THOC6: variants seen among roughly 807,000 people sequenced by gnomAD.
The protein encoded by THOC6 is THO complex subunit 6.
Under a neutral mutation model 55.8 loss-of-function variants are expected in THOC6, and 39 were observed. The observed-to-expected ratio is 0.70, with a 90% CI of 0.54 to 0.91. The LOEUF (loss-of-function observed/expected upper bound fraction) is 0.91. Ranked by LOEUF, THOC6 falls within the 40% of genes least tolerant of loss-of-function variation. The pLI, the probability that THOC6 is intolerant of heterozygous loss-of-function variation, is 0.00. For missense variants in THOC6, 482 were observed against 442.0 expected, an observed-to-expected ratio of 1.09 and a Z score of -0.81; for synonymous variants, 192 against 175.6, an observed-to-expected ratio of 1.09 and a Z score of -0.74.
rs751493752 is a variant in THOC6 at position 3,025,704 on chromosome 16, G to A, written c.40-4G>A. 3.7e-6 allele frequency: 6 copies of A among 1,613,354 alleles called. No individual in the cohort carries two copies. In the African/African-American group the frequency reaches 4.0e-5, roughly 11 times the overall value. ...GGCAGGCCTCATCCAGTCTTTCCCT[G>A]CAGACAGAGGTGTTCCAGGCCTTGC... On this transcript the variant is annotated splice_region_variant and splice_polypyrimidine_tract_variant and intron_variant, in intron 1 of 12. Transcript: ENST00000326266.
At chr16:3,027,130 C>T in intron 10 of THOC6, 40 bp from the exon 11 acceptor site, 1 of 1,614,118 alleles carries the variant, frequency 6.2e-7, no homozygotes, top group Non-Finnish European at 8.5e-7. Context: ...CAGCTGTGGG[C>T]CTGTGGTTCA....
rs368634542 is a variant in THOC6, at chr16:3,026,176, C to T, written c.324+10C>T. Reference sequence around the variant, plus strand: ...GGAGATGCTCAAGAAGGTAAGGAGTCGAGCTTGGGAAAGGGCTGGGGTGCC... The same window carrying T: ...GGAGATGCTCAAGAAGGTAAGGAGTTGAGCTTGGGAAAGGGCTGGGGTGCC... On this transcript the variant is annotated intron_variant, in intron 4 of 12. Transcript: ENST00000326266. The T allele has an allele frequency of 1.8e-4, 283 of 1,611,198 alleles. No homozygotes were observed. Among genetic ancestry groups the T allele is most frequent in the Non-Finnish European group, 2.2e-4 (265 of 1,178,164 alleles).
intron 1 of THOC6, among the ~76,000 whole-genome samples, chr16:3,025,377 G>A (rs1401652735): frequency 6.6e-6 from 1 of 152,226 alleles, no homozygotes; most frequent in African/African-American, 2.4e-5. Flanking sequence ...ACAGCCCCAT[G>A]TAAAGCTCTT....
rs201552352 is a variant in THOC6 at position 3,026,930 on chromosome 16, C to T, written c.636+14C>T. 79 of 1,614,174 alleles carry T rather than the reference C, an allele frequency of 4.9e-5. No individual in the cohort carries two copies. Among genetic ancestry groups the T allele is most frequent in the Non-Finnish European group, 6.4e-5 (75 of 1,180,020 alleles). ...TATAAGCACGAGGTGAGGGTGTGAC[C>T]GTGGCCATTGTCCTCTTCTCCCCCA... On this transcript the variant is annotated intron_variant, in intron 9 of 12. Coordinates refer to ENST00000326266, the MANE Select transcript of THOC6 (RefSeq NM_024339.5).
chr16:3,024,037 A>G lies in THOC6; in HGVS notation c.-290A>G. 1.2e-5 allele frequency: 12 copies of G among 1,022,830 alleles called. No homozygotes were observed. Among genetic ancestry groups the G allele is most frequent in the Non-Finnish European group, 1.7e-5 (12 of 713,974 alleles). The allele number at this position is 1,022,830 out of a possible 1,614,324, so 63.4% of individuals were successfully genotyped here. ...GATGGGCGTGGCTTTAGGCGGGCACAGCCGCGAGGTTCTGCGCGGGCGCGG... is the reference window on the plus strand; with the variant it reads ...GATGGGCGTGGCTTTAGGCGGGCACGGCCGCGAGGTTCTGCGCGGGCGCGG... On this transcript the variant is annotated 5_prime_UTR_variant, in exon 1 of 13. Transcript: ENST00000326266.
At chr16:3,025,272 TCTCA>T (rs1191636830) in intron 1 of THOC6, among the ~76,000 whole-genome samples, 2 of 152,018 alleles carry the variant, frequency 1.3e-5, no homozygotes, top group African/African-American at 4.8e-5. Flanking sequence ...TGAGACAGAG[TCTCA>T]CTATGTTGCC....
chr16:3,024,642 T>TG (rs1768221297), intron 1 of THOC6, among the ~76,000 whole-genome samples: 4 of 149,364 alleles, frequency 2.7e-5, no homozygotes, highest in Non-Finnish European at 6.0e-5. Flanking sequence ...AAGCACTTTT[T>TG]TTTTTTTTTT....
chr16:3,026,792 G>A lies in THOC6; in HGVS notation c.586+11G>A, dbSNP rs769317786. The A allele has an allele frequency of 5.9e-5, 96 of 1,613,850 alleles. No individual in the cohort carries two copies. The highest frequency in any genetic ancestry group is 2.3e-4 in the Admixed American group (14 of 59,980). Reference sequence around the variant, plus strand: ...CTGTTCGACTTTGGGGTAAGCAGGTGGCTGGTTGGAGGGCAAGATGGCAGT... The same window carrying A: ...CTGTTCGACTTTGGGGTAAGCAGGTAGCTGGTTGGAGGGCAAGATGGCAGT... On this transcript the variant is annotated intron_variant, in intron 8 of 12. Coordinates refer to ENST00000326266, the MANE Select transcript of THOC6 (RefSeq NM_024339.5).
At position 3,027,288 on chromosome 16, in the gene THOC6, C is replaced by T. The variant is rs1567417434; in HGVS notation, c.810+8C>T. On this transcript the variant is annotated splice_region_variant and intron_variant, in intron 11 of 12. Coordinates refer to ENST00000326266, the MANE Select transcript of THOC6 (RefSeq NM_024339.5). ...ACCTTCTACCAGGACCTGGTGAGGCCCTGTGTCTCACTTCTGCCACCCCCA... is the reference window on the plus strand; with the variant it reads ...ACCTTCTACCAGGACCTGGTGAGGCTCTGTGTCTCACTTCTGCCACCCCCA... 3.1e-6 allele frequency: 5 copies of T among 1,614,198 alleles called. No homozygotes were observed. The highest frequency in any genetic ancestry group is 3.3e-5 in the Admixed American group (2 of 60,032).
chr16:3,027,293 G>T lies in THOC6; in HGVS notation c.810+13G>T, dbSNP rs2072822222. ...CTACCAGGACCTGGTGAGGCCCTGT[G>T]TCTCACTTCTGCCACCCCCACTGAC... On this transcript the variant is annotated intron_variant, in intron 11 of 12. Transcript: ENST00000326266. The T allele has an allele frequency of 6.2e-7, 1 of 1,614,070 alleles. No individual in the cohort carries two copies. The highest frequency in any genetic ancestry group is 1.3e-5 in the African/African-American group (1 of 74,962).
chr16:3,025,574 C>T lies in THOC6; in HGVS notation c.40-134C>T, dbSNP rs535735846. On this transcript the variant is annotated intron_variant, in intron 1 of 12. Transcript: ENST00000326266. ...TGCATGGGCAGGTGCTGGCTTGGGG[C>T]GGGGCCGCCTCAAAAGAAGGCTGAG... The T allele has an allele frequency of 2.7e-3, 2,005 of 744,912 alleles. 16 individuals are homozygous for T. The highest frequency in any genetic ancestry group is 7.2e-3 in the South Asian group (412 of 57,542). 46.1% of individuals were successfully genotyped at this position (744,912 alleles called of 1,614,324 possible).
intron 2 of THOC6, 37 bp from the exon 3 acceptor site, chr16:3,025,886 CG>C: frequency 1.2e-6 from 2 of 1,614,180 alleles, no homozygotes; most frequent in Non-Finnish European, 1.7e-6. Context: ...CGGATGCCCC[CG>C]TTTCTGACTC....
chr16:3,025,031 C>G (rs1383278458), intron 1 of THOC6, among the ~76,000 whole-genome samples: 2 of 150,360 alleles, frequency 1.3e-5, no homozygotes, highest in East Asian at 3.9e-4. Context: ...CAACCTCCGC[C>G]TCCCAGATTC....
chr16:3,027,052 G>A lies in THOC6; in HGVS notation c.678G>A (p.Leu226=), dbSNP rs779415557. 4.3e-6 allele frequency: 7 copies of A among 1,614,080 alleles called. No individual in the cohort carries two copies. Among genetic ancestry groups the A allele is most frequent in the African/African-American group, 1.3e-5 (1 of 74,922 alleles). The stretch of plus-strand genomic sequence containing the variant: ...ACAATGGGCGCTGGATTGGATGTTT[G>A]GCAACTGATTCCGACTGGATGGTGA... ...RPHNGRWIGC[L]ATDSDWMVCG... The change falls in exon 10 of 13, where the codon TTG becomes TTA. Residue 226 remains leucine (L), a synonymous_variant. Transcript: ENST00000326266.
At position 3,025,918 on chromosome 16, in the gene THOC6, C is replaced by G; in HGVS notation, c.156-6C>G. 1 of 1,614,224 alleles carries G rather than the reference C, an allele frequency of 6.2e-7. No homozygotes were observed. Among genetic ancestry groups the G allele is most frequent in the Non-Finnish European group, 8.5e-7 (1 of 1,180,048 alleles). On this transcript the variant is annotated splice_region_variant and splice_polypyrimidine_tract_variant and intron_variant, in intron 2 of 12. Coordinates refer to ENST00000326266, the MANE Select transcript of THOC6 (RefSeq NM_024339.5). ...GACTCCTGGGTCCCCTCCGCTGTCC[C>G]TGCAGCTTGTCCTCTGCTTTGAGCT... is the stretch of plus-strand genomic sequence containing the variant.
At position 3,027,708 on chromosome 16, in the gene THOC6, T is replaced by TC; in HGVS notation, c.*52dup. The TC allele has an allele frequency of 6.9e-7, 1 of 1,449,466 alleles. No homozygotes were observed. The highest frequency in any genetic ancestry group is 9.1e-7 in the Non-Finnish European group (1 of 1,096,138). The allele number at this position is 1,449,466 out of a possible 1,614,324, so 89.8% of individuals were successfully genotyped here. A position where few individuals can be genotyped will look rare whatever the true frequency, so the allele number is the denominator to read the frequency against. On this transcript the variant is annotated 3_prime_UTR_variant, in exon 13 of 13. Transcript: ENST00000326266. ...CAGGGTTTTAGAGTGTTTTTCATTTTCTTTTTTTTTTTTTTTTTACAATAA... is the reference window on the plus strand; with the variant it reads ...CAGGGTTTTAGAGTGTTTTTCATTTTCCTTTTTTTTTTTTTTTTTACAATAA...
chr16:3,025,314 C>T (rs1277032623), intron 1 of THOC6, among the ~76,000 whole-genome samples: 2 of 152,146 alleles, frequency 1.3e-5, no homozygotes, highest in Non-Finnish European at 2.9e-5. Flanking sequence ...CCTGGCCTCC[C>T]AGAGCGCTGG....
chr16:3,024,419 T>C lies in THOC6; in HGVS notation c.39+54T>C, dbSNP rs962873369. 62 of 1,608,958 alleles carry C rather than the reference T, an allele frequency of 3.9e-5. 1 individual carries two copies. In the African/African-American group the frequency reaches 6.3e-4, roughly 16 times the overall value. On this transcript the variant is annotated intron_variant, in intron 1 of 12. Coordinates refer to ENST00000326266, the MANE Select transcript of THOC6 (RefSeq NM_024339.5). ...CTGGGGTTTGTAGTTCACGCATGGC[T>C]GGGACGGGGCGGGCAGGGAATCGTG...
At chr16:3,025,661 G>A in intron 1 of THOC6, 47 bp from the exon 2 acceptor site, 2 of 1,547,450 alleles carry the variant, frequency 1.3e-6, no homozygotes, top group Non-Finnish European at 1.8e-6. Flanking sequence ...CTGTGGATGG[G>A]AGGTTTCATA....
Sources: allele counts gnomAD v4.1 joint callset (sites outside exome capture counted in the v4.1 genomes callset), GRCh38; gene constraint gnomAD v4.1.1; transcripts MANE v1.5; gene names NCBI Gene and HGNC (gene_info 2026-07-23, HGNC 2026-07-21).